ZNF510: variants seen among roughly 807,000 people sequenced by gnomAD.
ZNF510 encodes the protein zinc finger protein 510.
In ZNF510, 15 loss-of-function variants were observed where a neutral mutation model predicts 18.1. That is an observed-to-expected ratio of 0.83 (90% CI 0.55 to 1.28). The LOEUF (loss-of-function observed/expected upper bound fraction) is 1.28. Among genes scored for constraint, ZNF510 ranks in the 50% most tolerant of loss-of-function variants. ZNF510 has a pLI of 0.00. For synonymous variants in ZNF510, 261 were observed against 266.4 expected, an observed-to-expected ratio of 0.98 and a Z score of 0.20; for missense variants, 724 against 791.8, an observed-to-expected ratio of 0.91 and a Z score of 1.03.
At chr9:96,768,864 C>T (rs893064164) in intron 3 of ZNF510, among the ~76,000 whole-genome samples, 69 of 151,994 alleles carry the variant, frequency 4.5e-4, no homozygotes, top group African/African-American at 1.6e-3. Flanking sequence ...GCAAGGGACC[C>T]TGAATAGTCA....
intron 3 of ZNF510, among the ~76,000 whole-genome samples, chr9:96,773,930 C>T (rs897469602): frequency 5.3e-5 from 8 of 152,188 alleles, no homozygotes; most frequent in Non-Finnish European, 4.4e-5. Flanking sequence ...ATCTTGATCT[C>T]AGACTTCTGG....
rs1849182407 is a variant in ZNF510 at position 96,755,831 on chromosome 9, A to C, written c.*2947T>G. The C allele has an allele frequency of 1.2e-4, 18 of 152,216 alleles. No homozygotes were observed. Among genetic ancestry groups the C allele is most frequent in the Admixed American group, 1.2e-3 (18 of 15,282 alleles). 9.4% of individuals were successfully genotyped at this position (152,216 alleles called of 1,614,324 possible). On this transcript the variant is annotated 3_prime_UTR_variant, in exon 6 of 6. Transcript: ENST00000223428. ...TTATCCAGAAGGAAAAAAGTTTTGT[A>C]AATTCTTATATCCAATGACATCAAT...
In ZNF510 at chr9:96,756,546, C is replaced by CATT. The variant is rs1360564788; in HGVS notation, c.*2229_*2231dup. The CATT allele has an allele frequency of 4.6e-5, 7 of 152,246 alleles. No individual in the cohort carries two copies. The highest frequency in any genetic ancestry group is 1.7e-4 in the African/African-American group (7 of 41,446). The allele number at this position is 152,246 out of a possible 1,614,324, so 9.4% of individuals were successfully genotyped here. A position where few individuals can be genotyped will look rare whatever the true frequency, so the allele number is the denominator to read the frequency against. On this transcript the variant is annotated 3_prime_UTR_variant, in exon 6 of 6. Coordinates refer to ENST00000223428, the MANE Select transcript of ZNF510 (RefSeq NM_014930.3). ...AGGACAGGTGCTTTCCTGAATGCCC[C>CATT]ATTTTCATTCCACAAGTGAGGCTTG... is the stretch of plus-strand genomic sequence containing the variant.
Position 96,775,983 on chromosome 9 carries a change from T to C in ZNF510, c.70+17A>G. 6.2e-7 allele frequency: 1 copy of C among 1,603,064 alleles called. No homozygotes were observed. On this transcript the variant is annotated intron_variant, in intron 2 of 5. Transcript: ENST00000223428. Reference sequence around the variant, plus strand: ...GTGCAGTCTGACAGTCACCCACGCCTCTCAACCCCAGCTTACCACCTTCTG... The same window carrying C: ...GTGCAGTCTGACAGTCACCCACGCCCCTCAACCCCAGCTTACCACCTTCTG...
rs775557039 is a variant in ZNF510, at chr9:96,759,286, G to T, written c.1544C>A (p.Ser515Tyr). Reference sequence around the variant, plus strand: ...TTTTCCACATTGATTGCATTGAAAGGATTTCTCCCCTGTGTGAATTCTGTG... The same window carrying T: ...TTTTCCACATTGATTGCATTGAAAGTATTTCTCCCCTGTGTGAATTCTGTG... The part of the protein sequence containing the change: ...DHHRIHTGEK[S>Y]FQCNQCGKTF... Residue 515 changes from serine to tyrosine, a missense_variant, in exon 6 of 6, where the codon TCC (serine) becomes TAC (tyrosine). Ser to Tyr is a moderately radical substitution (Grantham distance 144). Transcript: ENST00000223428. The T allele has an allele frequency of 1.2e-6, 2 of 1,613,976 alleles. No homozygotes were observed. The highest frequency in any genetic ancestry group is 1.3e-5 in the African/African-American group (1 of 74,894).
chr9:96,768,046 T>G (rs1007159417), intron 3 of ZNF510, among the ~76,000 whole-genome samples: 7 of 152,180 alleles, frequency 4.6e-5, no homozygotes, highest in Non-Finnish European at 1.0e-4. Context: ...TTTCCAGGAA[T>G]GCAAGGTGGC....
rs1415869071 is a variant in ZNF510 at position 96,756,531 on chromosome 9, CT to C, written c.*2246del. 4.6e-5 allele frequency: 7 copies of C among 152,242 alleles called. No individual in the cohort carries two copies. The highest frequency in any genetic ancestry group is 1.7e-4 in the African/African-American group (7 of 41,450). The allele number at this position is 152,242 out of a possible 1,614,324, so 9.4% of individuals were successfully genotyped here. The stretch of plus-strand genomic sequence containing the variant: ...ACATACTGTGGGGCCAGGACAGGTG[CT>C]TTCCTGAATGCCCCATTTTCATTCC... On this transcript the variant is annotated 3_prime_UTR_variant, in exon 6 of 6. Coordinates refer to ENST00000223428, the MANE Select transcript of ZNF510 (RefSeq NM_014930.3).
intron 3 of ZNF510, among the ~76,000 whole-genome samples, chr9:96,767,144 A>G (rs1489895819): frequency 2.0e-5 from 3 of 152,148 alleles, no homozygotes; most frequent in African/African-American, 7.2e-5. Context: ...CCTAGCCAAC[A>G]TGGTGAAACC....
chr9:96,763,725 A>G lies in ZNF510; in HGVS notation c.130-93T>C, dbSNP rs532781654. The G allele has an allele frequency of 6.3e-6, 8 of 1,260,810 alleles. No homozygotes were observed. In the East Asian group the frequency reaches 2.1e-4, roughly 33 times the overall value. The allele number at this position is 1,260,810 out of a possible 1,614,324, so 78.1% of individuals were successfully genotyped here. A position where few individuals can be genotyped will look rare whatever the true frequency, so the allele number is the denominator to read the frequency against. ...AACAATTCTTATCAGGTTTAACTCT[A>G]AAAAGCTTAAACGAATGTAAAGGAT... is the stretch of plus-strand genomic sequence containing the variant. On this transcript the variant is annotated intron_variant, in intron 3 of 5. Transcript: ENST00000223428.
intron 3 of ZNF510, among the ~76,000 whole-genome samples, chr9:96,768,843 T>G (rs1172149796): frequency 6.6e-6 from 1 of 152,070 alleles, no homozygotes; most frequent in African/African-American, 2.4e-5. Context: ...ACCTACAATT[T>G]ATATGAAATT....
rs1849171134 is a variant in ZNF510, at chr9:96,755,377, A to T, written c.*3401T>A. 6.6e-6 allele frequency among the ~76,000 whole-genome samples: 1 copy of T among 152,216 alleles called. No homozygotes were observed. On this transcript the variant is annotated 3_prime_UTR_variant, in exon 6 of 6. Coordinates refer to ENST00000223428, the MANE Select transcript of ZNF510 (RefSeq NM_014930.3). ...AAACAGAGTAAACAGTGATGTTTTG[A>T]TTCTCAGGGACTAACTGGTCCTAAC...
rs772165100 is a variant in ZNF510 at position 96,763,632 on chromosome 9, C to G, written c.130G>C (p.Ala44Pro). The change falls in exon 4 of 6, where the codon GCA (alanine) becomes CCA (proline). Residue 44 changes from alanine to proline, a missense_variant and splice_region_variant. Ala to Pro is a conservative substitution (Grantham distance 27). Coordinates refer to ENST00000223428, the MANE Select transcript of ZNF510 (RefSeq NM_014930.3). ...QEQQKMNISQ[A>P]SVSFKDVTIE... The stretch of plus-strand genomic sequence containing the variant: ...GTCACGTCCTTGAATGACACTGATG[C>G]CTGTAACAGTACATTTCTATTCAAT... 3 of 1,602,808 alleles carry G rather than the reference C, an allele frequency of 1.9e-6. No individual in the cohort carries two copies. The highest frequency in any genetic ancestry group is 2.6e-6 in the Non-Finnish European group (3 of 1,175,852).
chr9:96,769,547 C>T (rs990477292), intron 3 of ZNF510, among the ~76,000 whole-genome samples: 1 of 151,796 alleles, frequency 6.6e-6, no homozygotes, highest in African/African-American at 2.4e-5. Flanking sequence ...TTGGATTTGG[C>T]AATGACTTCC....
intron 4 of ZNF510, 134 bp from the exon 5 acceptor site, chr9:96,763,347 C>T: frequency 1.6e-6 from 2 of 1,271,494 alleles, no homozygotes; most frequent in Non-Finnish European, 2.2e-6. Context: ...GTTGACAACA[C>T]ATTCTTTCTA....
At position 96,763,135 on chromosome 9, in the gene ZNF510, G is replaced by C. The variant is rs1330555657; in HGVS notation, c.335C>G (p.Ser112Ter). 6.2e-7 allele frequency: 1 copy of C among 1,613,988 alleles called. No individual in the cohort carries two copies. The highest frequency in any genetic ancestry group is 8.5e-7 in the Non-Finnish European group (1 of 1,179,936). The change falls in exon 5 of 6, where the codon TCA becomes TGA. Residue 112 changes from serine (S) to a stop codon, truncating the protein, a stop_gained. Coordinates refer to ENST00000223428, the MANE Select transcript of ZNF510 (RefSeq NM_014930.3). LOFTEE classifies it low-confidence loss of function (END_TRUNC). The part of the protein sequence containing the change: ...EEPWFSEEEF[S>*]NQSHPKDYRG... ...TAACTCACTTGGGTGACTCTGGTTT[G>C]AGAATTCCTCCTCTGAGAACCAAGG...
At chr9:96,763,668 C>A in intron 3 of ZNF510, 36 bp from the exon 4 acceptor site, 1 of 1,540,898 alleles carries the variant, frequency 6.5e-7, no homozygotes, top group Non-Finnish European at 8.7e-7. Flanking sequence ...CTGAAGGGTT[C>A]AGAATTAGAT....
chr9:96,772,270 T>C (rs1178999753), intron 3 of ZNF510, among the ~76,000 whole-genome samples: 4 of 149,464 alleles, frequency 2.7e-5, no homozygotes, highest in Admixed American at 2.6e-4. Flanking sequence ...GCTAACTCTA[T>C]GTAGATCAAG....
intron 3 of ZNF510, among the ~76,000 whole-genome samples, chr9:96,769,794 A>T (rs1363389288): frequency 6.6e-6 from 1 of 152,244 alleles, no homozygotes; most frequent in Non-Finnish European, 1.5e-5. Flanking sequence ...GATGATAAAC[A>T]AATAGCCAAT....
At position 96,756,991 on chromosome 9, in the gene ZNF510, T is replaced by TAAC. The variant is rs1849210642; in HGVS notation, c.*1784_*1786dup. The TAAC allele has an allele frequency of 6.6e-6, 1 of 152,254 alleles. No individual in the cohort carries two copies. Among genetic ancestry groups the TAAC allele is most frequent in the Admixed American group, 6.5e-5 (1 of 15,278 alleles). The allele number at this position is 152,254 out of a possible 1,614,324, so 9.4% of individuals were successfully genotyped here. A position where few individuals can be genotyped will look rare whatever the true frequency, so the allele number is the denominator to read the frequency against. ...CCTACTACACTTTCAGATGTAAACATAACTGTAGTATACTCTACTGGCCCA... is the reference window on the plus strand; with the variant it reads ...CCTACTACACTTTCAGATGTAAACATAACAACTGTAGTATACTCTACTGGCCCA... On this transcript the variant is annotated 3_prime_UTR_variant, in exon 6 of 6. Transcript: ENST00000223428.
Sources: allele counts gnomAD v4.1 joint callset (sites outside exome capture counted in the v4.1 genomes callset), GRCh38; gene constraint gnomAD v4.1.1; transcripts MANE v1.5; gene names NCBI Gene and HGNC (gene_info 2026-07-23, HGNC 2026-07-21).